The following CENPK variants were observed in gnomAD, a reference collection of about 807,000 sequenced individuals.
CENPK encodes the protein centromere protein K.
Under a neutral mutation model 40.9 loss-of-function variants are expected in CENPK, and 46 were observed. The observed-to-expected ratio is 1.13, with a 90% CI of 0.89 to 1.44. The LOEUF is 1.44. Among genes scored for constraint, CENPK ranks in the 40% most tolerant of loss-of-function variants. The pLI is 0.00. For missense variants in CENPK, 288 were observed against 303.5 expected, an observed-to-expected ratio of 0.95 and a Z score of 0.38; for synonymous variants, 107 against 104.4, an observed-to-expected ratio of 1.02 and a Z score of -0.15.
In CENPK at chr5:65,528,541, T is replaced by C. The variant is rs1745158892; in HGVS notation, c.508A>G (p.Lys170Glu). 6.3e-7 allele frequency: 1 copy of C among 1,586,702 alleles called. No homozygotes were observed. Among genetic ancestry groups the C allele is most frequent in the East Asian group, 2.3e-5 (1 of 44,252 alleles). ...NELKTKMLNI[K>E]EYKEKLLSTL... ...CTCAAGAGTTTCTCCTTATATTCTT[T>C]TATATTAAGCATTTTAGTTTTCAGT... is the stretch of plus-strand genomic sequence containing the variant. Residue 170 changes from lysine to glutamate, a missense_variant, in exon 9 of 11, where the codon AAA (lysine) becomes GAA (glutamate). Transcript: ENST00000396679.
chr5:65,554,124 G>A (rs1750583753), intron 3 of CENPK, among the ~76,000 whole-genome samples: 1 of 151,526 alleles, frequency 6.6e-6, no homozygotes, highest in Admixed American at 6.6e-5. Flanking sequence ...TTATCCTTTA[G>A]AAATGAAACC....
At chr5:65,554,197 A>G (rs1750600601) in intron 3 of CENPK, among the ~76,000 whole-genome samples, 1 of 150,226 alleles carries the variant, frequency 6.7e-6, no homozygotes, top group Non-Finnish European at 1.5e-5. Flanking sequence ...GCTGGAGTGC[A>G]GTGGCACTAT....
intron 6 of CENPK, among the ~76,000 whole-genome samples, chr5:65,540,536 A>G (rs1340438572): frequency 6.6e-6 from 1 of 152,212 alleles, no homozygotes; most frequent in African/African-American, 2.4e-5. Context: ...TGACTAGAAC[A>G]TTAGGACTTT....
intron 6 of CENPK, among the ~76,000 whole-genome samples, chr5:65,532,458 C>A (rs958863774): frequency 6.6e-6 from 1 of 151,982 alleles, no homozygotes; most frequent in East Asian, 1.9e-4. Flanking sequence ...AAAAAGAAAA[C>A]CACAGACCAA....
chr5:65,555,988 A>G (rs549613092), intron 2 of CENPK, among the ~76,000 whole-genome samples: 1 of 152,314 alleles, frequency 6.6e-6, no homozygotes, highest in South Asian at 2.1e-4. Context: ...ACACTACATA[A>G]TGACATTTTG....
At chr5:65,561,701 G>A (rs111380349) in intron 1 of CENPK, 137 bp from the exon 2 acceptor site, 105 of 239,364 alleles carry the variant, frequency 4.4e-4, no homozygotes, top group African/African-American at 2.3e-3. Flanking sequence ...AACTTTTTGA[G>A]GTCCCCAGTT....
chr5:65,547,066 T>C (rs933005522), intron 5 of CENPK, among the ~76,000 whole-genome samples: 1 of 152,130 alleles, frequency 6.6e-6, no homozygotes, highest in African/African-American at 2.4e-5. Context: ...AATGCTGGTA[T>C]AGCTTATAGG....
intron 3 of CENPK, among the ~76,000 whole-genome samples, chr5:65,553,357 CAAA>C (rs112109997): frequency 7.5e-6 from 1 of 134,132 alleles, no homozygotes; most frequent in Non-Finnish European, 1.6e-5. Flanking sequence ...GCTGATCAGC[CAAA>C]AAAAAAAAAG....
chr5:65,518,687 C>G, intron 10 of CENPK, 54 bp from the exon 11 acceptor site: 1 of 1,215,982 alleles, frequency 8.2e-7, no homozygotes, highest in South Asian at 1.4e-5. Flanking sequence ...GTCAATATAG[C>G]TATAAGAAAG....
In CENPK at chr5:65,559,094, T is replaced by C. The variant is rs150795970; in HGVS notation, c.-40+2369A>G. On this transcript the variant is annotated intron_variant, in intron 2 of 10. Transcript: ENST00000396679. ...ACCCCACATCAAACGCAAATCAGAA[T>C]ACCCCTCCTCAATATCTTTATTCAT... is the stretch of plus-strand genomic sequence containing the variant. Among the ~76,000 whole-genome samples, 731 of 152,278 alleles carry C rather than the reference T, an allele frequency of 4.8e-3. 11 individuals are homozygous for C. Among genetic ancestry groups the C allele is most frequent in the Non-Finnish European group, 4.8e-3 (325 of 68,002 alleles).
chr5:65,552,695 T>C (rs370945878), intron 3 of CENPK, 146 bp from the exon 4 acceptor site: 18 of 455,312 alleles, frequency 4.0e-5, no homozygotes, highest in South Asian at 9.4e-5. Context: ...TTCCTCACTA[T>C]GTAAGACGAT....
the CENPK span, among the ~76,000 whole-genome samples, chr5:65,509,483 T>C: frequency 6.6e-6 from 1 of 152,236 alleles, no homozygotes; most frequent in Non-Finnish European, 1.5e-5. Context: ...CCAAATATTT[T>C]TGCAAAATAT....
chr5:65,539,677 C>G (rs953639349), intron 6 of CENPK, among the ~76,000 whole-genome samples: 3 of 152,156 alleles, frequency 2.0e-5, no homozygotes, highest in African/African-American at 2.4e-5. Context: ...TCTAGCAGCT[C>G]TCTGTCTGTG....
At chr5:65,512,275 G>C in the CENPK span, among the ~76,000 whole-genome samples, 1 of 152,210 alleles carries the variant, frequency 6.6e-6, no homozygotes, top group Admixed American at 6.5e-5. Context: ...CATAAACATT[G>C]TTGATATGGC....
In CENPK at chr5:65,537,690, G is replaced by A. The variant is rs369569129; in HGVS notation, c.288+5112C>T. ...GACTAAGACAGCAGTTTTTTGTGGC[G>A]GGCTTTTTTCATTTAGCATGTTTTC... On this transcript the variant is annotated intron_variant, in intron 6 of 10. Coordinates refer to ENST00000396679, the MANE Select transcript of CENPK (RefSeq NM_022145.5). Among the ~76,000 whole-genome samples the A allele has an allele frequency of 2.6e-5, 4 of 152,138 alleles. No homozygotes were observed. In the South Asian group the frequency reaches 6.2e-4, roughly 24 times the overall value.
At chr5:65,546,288 G>T (rs1285578510) in intron 5 of CENPK, among the ~76,000 whole-genome samples, 1 of 152,132 alleles carries the variant, frequency 6.6e-6, no homozygotes, top group Admixed American at 6.5e-5. Context: ...TTACAGACGT[G>T]AGCCACCACA....
intron 9 of CENPK, among the ~76,000 whole-genome samples, chr5:65,525,991 T>G (rs1744640237): frequency 6.6e-6 from 1 of 152,136 alleles, no homozygotes; most frequent in African/African-American, 2.4e-5. Context: ...AAATACAGTA[T>G]TGTTGGGGAG....
downstream of CENPK, among the ~76,000 whole-genome samples, chr5:65,514,912 C>A (rs561250536): frequency 2.6e-5 from 4 of 152,056 alleles, no homozygotes; most frequent in African/African-American, 9.6e-5. Flanking sequence ...AATAATGGCA[C>A]CTCTTTTCAT....
chr5:65,552,250 T>C (rs183627930), intron 4 of CENPK, among the ~76,000 whole-genome samples: 1 of 152,316 alleles, frequency 6.6e-6, no homozygotes, highest in Admixed American at 6.5e-5. Flanking sequence ...AATATATGTA[T>C]AGTTGCTAAA....
Sources: gnomAD v4.1 joint callset for allele counts (sites outside exome capture counted in the v4.1 genomes callset) on GRCh38, gnomAD v4.1.1 for gene constraint, MANE v1.5 for transcripts, NCBI Gene and HGNC (gene_info 2026-07-23, HGNC 2026-07-21) for gene names.